The following CTNNA2 variants were observed in gnomAD, a reference collection of about 807,000 sequenced individuals.
CTNNA2 encodes the protein catenin alpha 2, also known as catenin alpha-2.
CTNNA2 carries 42 observed loss-of-function variants against 101.0 expected under a neutral mutation model. The ratio of observed to expected loss-of-function variants is 0.42; its 90% CI spans 0.32 to 0.54. CTNNA2 has a LOEUF of 0.54. Among genes scored for constraint, CTNNA2 ranks in the 20% least tolerant of loss-of-function variants. CTNNA2 has a pLI of 0.14. For synonymous variants in CTNNA2, 450 were observed against 456.4 expected, an observed-to-expected ratio of 0.99 and a Z score of 0.18; for missense variants, 871 against 1,223.1, an observed-to-expected ratio of 0.71 and a Z score of 4.29.
chr2:79,930,242 C>T (rs1687296125), intron 7 of CTNNA2, among the ~76,000 whole-genome samples: 1 of 82,550 alleles, frequency 1.2e-5, no homozygotes, highest in Non-Finnish European at 2.6e-5. Flanking sequence ...GACTCTGTCT[C>T]AAAGAAAGAA....
At chr2:79,196,311 C>T (rs956827668) in intron 1 of CTNNA2, among the ~76,000 whole-genome samples, 2 of 152,104 alleles carry the variant, frequency 1.3e-5, no homozygotes, top group African/African-American at 2.4e-5. Flanking sequence ...ATTAGTGGTG[C>T]TCAAATATTC....
chr2:80,170,691 T>G (rs1160253673), intron 7 of CTNNA2, among the ~76,000 whole-genome samples: 2 of 152,246 alleles, frequency 1.3e-5, no homozygotes, highest in Non-Finnish European at 2.9e-5. Flanking sequence ...GTTATATAAC[T>G]GGCCCATTTT....
chr2:80,569,692 G>C (rs1166678521), intron 12 of CTNNA2, among the ~76,000 whole-genome samples: 1 of 111,580 alleles, frequency 9.0e-6, no homozygotes, highest in East Asian at 2.8e-4. Flanking sequence ...GCCCAGGCTG[G>C]AGTGCAGTGG....
At chr2:80,118,176 C>T in intron 7 of CTNNA2, among the ~76,000 whole-genome samples, 1 of 152,052 alleles carries the variant, frequency 6.6e-6, no homozygotes, top group East Asian at 1.9e-4. Context: ...TTTTGATGAC[C>T]AAATCTCAAA....
chr2:79,625,790 A>T (rs1179850351), intron 1 of CTNNA2, among the ~76,000 whole-genome samples: 1 of 152,230 alleles, frequency 6.6e-6, no homozygotes, highest in Non-Finnish European at 1.5e-5. Flanking sequence ...TCCCAAGGTG[A>T]CAACAATCAT....
At chr2:80,544,040 C>T (rs1691817676) in intron 9 of CTNNA2, among the ~76,000 whole-genome samples, 1 of 152,116 alleles carries the variant, frequency 6.6e-6, no homozygotes, top group East Asian at 1.9e-4. Context: ...GCTAATCAAT[C>T]TCACCTTGAA....
At chr2:80,646,522 C>G (rs1033878722) in intron 18 of CTNNA2, among the ~76,000 whole-genome samples, 66 of 151,994 alleles carry the variant, frequency 4.3e-4, no homozygotes, top group Admixed American at 7.9e-4. Flanking sequence ...ATCCTGAGCT[C>G]AGGATATAGA....
intron 7 of CTNNA2, among the ~76,000 whole-genome samples, chr2:80,351,565 A>G (rs181576986): frequency 7.2e-4 from 110 of 152,250 alleles, no homozygotes; most frequent in African/African-American, 2.3e-3. Flanking sequence ...TTTAAATCCT[A>G]CAGATTGAAA....
chr2:80,040,900 A>T (rs1020650671), intron 7 of CTNNA2, among the ~76,000 whole-genome samples: 12 of 152,260 alleles, frequency 7.9e-5, no homozygotes, highest in Admixed American at 7.9e-4. Context: ...CAAAAAATAC[A>T]TTAACAAGTA....
chr2:79,748,199 T>A (rs1671769669), intron 3 of CTNNA2, among the ~76,000 whole-genome samples: 1 of 152,194 alleles, frequency 6.6e-6, no homozygotes, highest in South Asian at 2.1e-4. Context: ...ATTACCCAAA[T>A]TTTATTTACC....
chr2:79,281,937 T>C (rs1185109833), intron 2 of CTNNA2, among the ~76,000 whole-genome samples: 2 of 152,180 alleles, frequency 1.3e-5, no homozygotes, highest in East Asian at 3.9e-4. Flanking sequence ...TACATGAATA[T>C]TTCCAATAGT....
intron 4 of CTNNA2, among the ~76,000 whole-genome samples, chr2:79,425,349 C>T (rs936527990): frequency 2.6e-5 from 4 of 152,088 alleles, no homozygotes; most frequent in African/African-American, 9.7e-5. Context: ...GTTCCATCAT[C>T]ATTATTTTAG....
rs183766697 is a variant in CTNNA2, at chr2:79,901,419, C to T, written c.853-8175C>T. ...ATGAAGGTAGTAAAAATCCAGGACA[C>T]ATTTGTCTTACAGAATTGTCACAAT... is the stretch of plus-strand genomic sequence containing the variant. On this transcript the variant is annotated intron_variant, in intron 6 of 18. Coordinates refer to ENST00000402739, the MANE Select transcript of CTNNA2 (RefSeq NM_001282597.3). Among the ~76,000 whole-genome samples, 308 of 152,132 alleles carry T rather than the reference C, an allele frequency of 2.0e-3. 1 individual carries two copies. The highest frequency in any genetic ancestry group is 6.9e-3 in the African/African-American group (288 of 41,514).
intron 3 of CTNNA2, among the ~76,000 whole-genome samples, chr2:79,794,699 C>T (rs1423319985): frequency 6.6e-6 from 1 of 152,072 alleles, no homozygotes; most frequent in African/African-American, 2.4e-5. Context: ...ATAACTGAAA[C>T]GTAAAGTGAG....
intron 7 of CTNNA2, among the ~76,000 whole-genome samples, chr2:80,113,555 A>C (rs1372409010): frequency 6.6e-6 from 1 of 152,198 alleles, no homozygotes; most frequent in Non-Finnish European, 1.5e-5. Context: ...TAGTAAATAA[A>C]GTTTTATTGG....
At chr2:80,483,068 G>C (rs915203816) in intron 9 of CTNNA2, among the ~76,000 whole-genome samples, 4 of 152,090 alleles carry the variant, frequency 2.6e-5, no homozygotes, top group Admixed American at 6.6e-5. Context: ...CTGAGGCTGA[G>C]GACCAGGCAT....
intron 9 of CTNNA2, among the ~76,000 whole-genome samples, chr2:80,521,075 C>A (rs1313834394): frequency 6.6e-6 from 1 of 152,148 alleles, no homozygotes; most frequent in Non-Finnish European, 1.5e-5. Flanking sequence ...GATGAGAAAG[C>A]CAGCTGTGAG....
intron 3 of CTNNA2, among the ~76,000 whole-genome samples, chr2:79,827,809 TATCACACTGTCAGGTA>T (rs1330069666): frequency 2.0e-5 from 3 of 152,246 alleles, no homozygotes. Context: ...TGATTTTTAT[TATCACACTGTCAGGTA>T]GTCACATGGG....
At chr2:79,533,643 T>A (rs1288264020) in intron 1 of CTNNA2, among the ~76,000 whole-genome samples, 1 of 152,106 alleles carries the variant, frequency 6.6e-6, no homozygotes, top group Non-Finnish European at 1.5e-5. Flanking sequence ...ATGGCACATG[T>A]TCCTAATGGA....
Sources: allele counts gnomAD v4.1 joint callset (sites outside exome capture counted in the v4.1 genomes callset), GRCh38; gene constraint gnomAD v4.1.1; transcripts MANE v1.5; gene names NCBI Gene and HGNC (gene_info 2026-07-23, HGNC 2026-07-21).